ZC3H6: variants seen among roughly 807,000 people sequenced by gnomAD.
The protein encoded by ZC3H6 is zinc finger CCCH domain-containing protein 6.
A neutral mutation model predicts 107.7 loss-of-function variants in ZC3H6; 40 were observed. The observed-to-expected ratio is 0.37, with a 90% CI of 0.29 to 0.48. The LOEUF (loss-of-function observed/expected upper bound fraction) is 0.48, where lower values mean the gene tolerates loss of function less well. Ranked by LOEUF, ZC3H6 falls within the 20% of genes least tolerant of loss-of-function variation. The pLI, the probability that ZC3H6 is intolerant of heterozygous loss-of-function variation, is 0.98. For synonymous variants in ZC3H6, 493 were observed against 487.9 expected (o/e 1.01, Z -0.14); for missense variants, 1,267 against 1,410.4 (o/e 0.90, Z 1.63).
intron 5 of ZC3H6, among the ~76,000 whole-genome samples, chr2:112,314,358 G>A (rs1472201241): frequency 6.6e-6 from 1 of 152,044 alleles, no homozygotes. Context: ...ATTTTCTATA[G>A]TACCTTGATT....
chr2:112,320,051 G>A (rs986358107), intron 7 of ZC3H6, among the ~76,000 whole-genome samples: 1 of 152,154 alleles, frequency 6.6e-6, no homozygotes, highest in East Asian at 1.9e-4. Context: ...TCCTGCCTCA[G>A]CCTCCCGAGT....
rs1677143481 is a variant in ZC3H6, at chr2:112,336,835, A to T, written c.*4347A>T. 1 of 152,228 alleles carries T rather than the reference A, an allele frequency of 6.6e-6. No homozygotes were observed. Among genetic ancestry groups the T allele is most frequent in the Admixed American group, 6.5e-5 (1 of 15,288 alleles). 9.4% of individuals were successfully genotyped at this position (152,228 alleles called of 1,614,324 possible). On this transcript the variant is annotated 3_prime_UTR_variant, in exon 12 of 12. Coordinates refer to ENST00000409871, the MANE Select transcript of ZC3H6 (RefSeq NM_198581.3). ...AAAATAAGAAACAAAAAGCACATTTAAAATAATATTTTATGCTTTTGGAGA... is the reference window on the plus strand; with the variant it reads ...AAAATAAGAAACAAAAAGCACATTTTAAATAATATTTTATGCTTTTGGAGA...
At chr2:112,298,929 C>T (rs1460260350) in intron 1 of ZC3H6, among the ~76,000 whole-genome samples, 1 of 152,136 alleles carries the variant, frequency 6.6e-6, no homozygotes, top group African/African-American at 2.4e-5. Context: ...CTTTAAGCCA[C>T]ATGCCTGTAT....
intron 1 of ZC3H6, among the ~76,000 whole-genome samples, chr2:112,298,498 C>T (rs1258982665): frequency 1.3e-5 from 2 of 152,256 alleles, no homozygotes; most frequent in African/African-American, 4.8e-5. Flanking sequence ...TGCAAAGCAT[C>T]ATGGCGATAC....
intron 1 of ZC3H6, among the ~76,000 whole-genome samples, chr2:112,296,044 TGTG>T (rs552784575): frequency 5.9e-5 from 9 of 152,294 alleles, no homozygotes; most frequent in African/African-American, 9.6e-5. Flanking sequence ...TAAATTTTAT[TGTG>T]GTATAAATGT....
In ZC3H6 at chr2:112,334,711, A is replaced by G. The variant is rs1677109768; in HGVS notation, c.*2223A>G. The G allele has an allele frequency of 6.6e-6, 1 of 152,554 alleles. No homozygotes were observed. Among genetic ancestry groups the G allele is most frequent in the African/African-American group, 2.4e-5 (1 of 41,434 alleles). The allele number at this position is 152,554 out of a possible 1,614,324, so 9.5% of individuals were successfully genotyped here. ...ATTATGCAGCATTTTTATTGTGATA[A>G]CGTTAGTTTATGGGATATTCTGTCA... On this transcript the variant is annotated 3_prime_UTR_variant, in exon 12 of 12. Coordinates refer to ENST00000409871, the MANE Select transcript of ZC3H6 (RefSeq NM_198581.3).
At position 112,325,043 on chromosome 2, in the gene ZC3H6, T is replaced by C. The variant is rs547407869; in HGVS notation, c.1932T>C (p.Asp644=). ...CACCTAACCATGGGAGTGGGTCTGA[T>C]GGCAGCAGCACTAGGACAGGCCATG... ...QDSPNHGSGS[D]GSSTRTGHGP... The change falls in exon 11 of 12, where the codon GAT becomes GAC. Residue 644 remains aspartate (D), a synonymous_variant. Coordinates refer to ENST00000409871, the MANE Select transcript of ZC3H6 (RefSeq NM_198581.3). 3.7e-6 allele frequency: 6 copies of C among 1,613,806 alleles called. No individual in the cohort carries two copies. The highest frequency in any genetic ancestry group is 3.3e-5 in the South Asian group (3 of 91,028).
chr2:112,289,344 T>TGGA (rs1253942880), intron 1 of ZC3H6, among the ~76,000 whole-genome samples: 1 of 135,496 alleles, frequency 7.4e-6, no homozygotes, highest in Non-Finnish European at 1.6e-5. Flanking sequence ...TTTTTTGAGA[T>TGGA]GGAGTCTCTT....
chr2:112,277,732 A>G (rs1686452254), intron 1 of ZC3H6, among the ~76,000 whole-genome samples: 1 of 152,162 alleles, frequency 6.6e-6, no homozygotes, highest in Admixed American at 6.5e-5. Flanking sequence ...CTCCACTTTA[A>G]CTTAGCCAAT....
chr2:112,330,914 A>T (rs1291103987), intron 11 of ZC3H6, 91 bp from the exon 12 acceptor site: 4 of 548,270 alleles, frequency 7.3e-6, no homozygotes, highest in African/African-American at 2.1e-5. Context: ...TAGCCATATT[A>T]TAAAGAATAA....
rs189083236 is a variant in ZC3H6, at chr2:112,282,685, A to T, written c.32+6659A>T. ...GCCAGTTTATTCAAGTAAAATAAGG[A>T]CTAGAAATTTACATCAAGAAATATA... On this transcript the variant is annotated intron_variant, in intron 1 of 11. Coordinates refer to ENST00000409871, the MANE Select transcript of ZC3H6 (RefSeq NM_198581.3). 1.2e-4 allele frequency among the ~76,000 whole-genome samples: 19 copies of T among 152,358 alleles called. No individual in the cohort carries two copies. The East Asian group carries it at 3.7e-3, about 29-fold the overall frequency.
chr2:112,299,604 C>T (rs1490094895), intron 1 of ZC3H6, among the ~76,000 whole-genome samples: 6 of 152,102 alleles, frequency 3.9e-5, no homozygotes, highest in African/African-American at 1.4e-4. Flanking sequence ...TTGCAAACTT[C>T]GGCTGCTGAT....
chr2:112,283,050 T>G (rs754402049), intron 1 of ZC3H6, among the ~76,000 whole-genome samples: 1 of 152,224 alleles, frequency 6.6e-6, no homozygotes, highest in African/African-American at 2.4e-5. Flanking sequence ...AATTTAGTCC[T>G]ATCTTTTGCT....
intron 1 of ZC3H6, among the ~76,000 whole-genome samples, chr2:112,276,762 G>A (rs1686434600): frequency 6.6e-6 from 1 of 151,962 alleles, no homozygotes; most frequent in Admixed American, 6.6e-5. Flanking sequence ...TCGAGTTTGG[G>A]GACATTTACA....
At chr2:112,288,668 C>T (rs1005389589) in intron 1 of ZC3H6, among the ~76,000 whole-genome samples, 6 of 152,314 alleles carry the variant, frequency 3.9e-5, no homozygotes, top group East Asian at 3.8e-4. Flanking sequence ...TTTAACATGC[C>T]ACTTAAGTTT....
Position 112,331,343 on chromosome 2 carries a change from C to G in ZC3H6, c.2425C>G (p.His809Asp), listed in dbSNP as rs1381893940. ...TGGTGGAGCAAAGTTTGATTTGCAT[C>G]ATGCAAATGCTGGCACTAATGTCAA... ...SVGGAKFDLH[H>D]ANAGTNVKHK... The change falls in exon 12 of 12, where the codon CAT becomes GAT. Residue 809 changes from histidine (H) to aspartate (D), a missense_variant. This residue lies in a region of ZC3H6 where 925 missense variants were observed against 1,025.7 expected (regional missense o/e 0.90). Transcript: ENST00000409871. The G allele has an allele frequency of 6.2e-7, 1 of 1,613,716 alleles. No individual in the cohort carries two copies. Among genetic ancestry groups the G allele is most frequent in the East Asian group, 2.2e-5 (1 of 44,876 alleles).
In ZC3H6 at chr2:112,325,149, G is replaced by A; in HGVS notation, c.2038G>A (p.Glu680Lys). ...ACTTACTCAGAGATACCAAGAAGATGAAGAACAAACCAGCACCCAACCTCA... is the reference window on the plus strand; with the variant it reads ...ACTTACTCAGAGATACCAAGAAGATAAAGAACAAACCAGCACCCAACCTCA... Reference protein sequence around the residue: ...VRLTQRYQEDEEQTSTQPHRA... With the variant: ...VRLTQRYQEDKEQTSTQPHRA... Residue 680 changes from glutamate to lysine, a missense_variant, in exon 11 of 12, where the codon GAA becomes AAA. By Grantham distance (56) the Glu-to-Lys change is moderately conservative. Transcript: ENST00000409871. 1.2e-6 allele frequency: 2 copies of A among 1,614,020 alleles called. No homozygotes were observed.
chr2:112,301,153 A>G lies in ZC3H6; in HGVS notation c.213+1124A>G, dbSNP rs573750988. ...CAAATGGTCAGTGCCCAGCACGGAAACCTCATGGGCCTGAGAACAGCAACA... is the reference window on the plus strand; with the variant it reads ...CAAATGGTCAGTGCCCAGCACGGAAGCCTCATGGGCCTGAGAACAGCAACA... On this transcript the variant is annotated intron_variant, in intron 2 of 11. Transcript: ENST00000409871. Among the ~76,000 whole-genome samples the G allele has an allele frequency of 7.2e-5, 11 of 152,320 alleles. No homozygotes were observed. The East Asian group carries it at 1.5e-3, about 21-fold the overall frequency.
chr2:112,294,538 T>C (rs1676190570), intron 1 of ZC3H6, among the ~76,000 whole-genome samples: 1 of 152,176 alleles, frequency 6.6e-6, no homozygotes, highest in South Asian at 2.1e-4. Flanking sequence ...TGTACTATCA[T>C]CTATCAGGAG....
Sources: gnomAD v4.1 joint callset for allele counts (sites outside exome capture counted in the v4.1 genomes callset) on GRCh38, gnomAD v4.1.1 for gene constraint, gnomAD v4.1.1 regional missense constraint, MANE v1.5 for transcripts, NCBI Gene and HGNC (gene_info 2026-07-23, HGNC 2026-07-21) for gene names.